Variants in C8orf34 observed in about 807,000 individuals in gnomAD.
C8orf34 encodes the protein uncharacterized protein C8orf34.
C8orf34 carries 65 observed loss-of-function variants against 68.3 expected under a neutral mutation model. The observed-to-expected ratio is 0.95, with a 90% CI of 0.78 to 1.17. The LOEUF is 1.17. Ranked by LOEUF, C8orf34 falls within the 50% of genes most tolerant of loss-of-function variation. The pLI, the probability that C8orf34 is intolerant of heterozygous loss-of-function variation, is 0.00. For missense variants in C8orf34, 664 were observed against 655.4 expected, an observed-to-expected ratio of 1.01 and a Z score of -0.14; for synonymous variants, 244 against 241.2, an observed-to-expected ratio of 1.01 and a Z score of -0.11.
intron 8 of C8orf34, among the ~76,000 whole-genome samples, chr8:68,647,600 A>C (rs10504430): frequency 0.15 from 22,597 of 152,198 alleles, 1,815 homozygotes; most frequent in Middle Eastern, 0.25. Flanking sequence ...CACTGGAGGA[A>C]CTTCTACTTT....
chr8:68,391,282 C>G (rs371509016), intron 1 of C8orf34, among the ~76,000 whole-genome samples: 1 of 152,104 alleles, frequency 6.6e-6, no homozygotes, highest in African/African-American at 2.4e-5. Flanking sequence ...GTAACTTACA[C>G]AAGCCCAAGA....
At chr8:68,332,271 C>G (rs1487006729) in intron 1 of C8orf34, among the ~76,000 whole-genome samples, 1 of 152,102 alleles carries the variant, frequency 6.6e-6, no homozygotes, top group Non-Finnish European at 1.5e-5. Flanking sequence ...AGTGGAGGCC[C>G]TTGCGGAGGG....
chr8:68,744,524 C>T (rs1448389315), intron 10 of C8orf34, among the ~76,000 whole-genome samples: 1 of 148,502 alleles, frequency 6.7e-6, no homozygotes, highest in Admixed American at 6.7e-5. Context: ...ATAACCAATA[C>T]AGAGAAGTGC....
intron 8 of C8orf34, among the ~76,000 whole-genome samples, chr8:68,684,854 C>T (rs925497435): frequency 6.6e-6 from 1 of 151,426 alleles, no homozygotes; most frequent in African/African-American, 2.4e-5. Flanking sequence ...ACTCCGTCAC[C>T]CAGGCTGGAG....
Position 68,608,264 on chromosome 8 carries a change from C to T in C8orf34, c.1106-32112C>T, listed in dbSNP as rs142296227. Among the ~76,000 whole-genome samples the T allele has an allele frequency of 4.1e-3, 625 of 152,106 alleles. 5 individuals carry two copies. Among genetic ancestry groups the T allele is most frequent in the Non-Finnish European group, 7.5e-3 (511 of 67,976 alleles). On this transcript the variant is annotated intron_variant, in intron 7 of 13. Transcript: ENST00000518698. ...CATTGAGAAAATTAGCCAAACCACT[C>T]TAGAGCTATGTAGAGATGAAGGCTG...
intron 8 of C8orf34, among the ~76,000 whole-genome samples, chr8:68,669,758 A>C (rs1819950165): frequency 6.6e-6 from 1 of 152,158 alleles, no homozygotes; most frequent in Non-Finnish European, 1.5e-5. Context: ...ATGTCAATGG[A>C]GTTTTTCAGA....
chr8:68,675,272 T>C (rs963464734), intron 8 of C8orf34, among the ~76,000 whole-genome samples: 3 of 151,982 alleles, frequency 2.0e-5, no homozygotes, highest in Admixed American at 1.3e-4. Flanking sequence ...ACACATAATA[T>C]TATAATACTG....
At chr8:68,488,924 G>A (rs1260887469) in intron 5 of C8orf34, among the ~76,000 whole-genome samples, 4 of 151,844 alleles carry the variant, frequency 2.6e-5, no homozygotes, top group Admixed American at 1.3e-4. Flanking sequence ...TTAGATTCTT[G>A]TGTTGATAAT....
chr8:68,551,940 G>A (rs1311018082), intron 7 of C8orf34, among the ~76,000 whole-genome samples: 1 of 151,948 alleles, frequency 6.6e-6, no homozygotes, highest in Non-Finnish European at 1.5e-5. Context: ...TTTTGCATGT[G>A]GATATTCAGG....
At chr8:68,471,937 CA>C (rs1265760178) in intron 4 of C8orf34, among the ~76,000 whole-genome samples, 1 of 150,652 alleles carries the variant, frequency 6.6e-6, no homozygotes, top group Admixed American at 6.6e-5. Context: ...CACACACACA[CA>C]CACACACACA....
intron 12 of C8orf34, among the ~76,000 whole-genome samples, chr8:68,808,491 A>G (rs1824549405): frequency 6.6e-6 from 1 of 151,848 alleles, no homozygotes. Flanking sequence ...CGTCAATGCA[A>G]TCAGCCTGCT....
chr8:68,448,412 G>C (rs1482554453), intron 3 of C8orf34, among the ~76,000 whole-genome samples: 1 of 152,070 alleles, frequency 6.6e-6, no homozygotes, highest in Non-Finnish European at 1.5e-5. Context: ...CAGATTTAGG[G>C]TTATTCTTTG....
At chr8:68,332,281 G>C (rs1805647494) in intron 1 of C8orf34, among the ~76,000 whole-genome samples, 1 of 151,734 alleles carries the variant, frequency 6.6e-6, no homozygotes, top group Non-Finnish European at 1.5e-5. Flanking sequence ...CTTGCGGAGG[G>C]ACTCCCTTGG....
intron 12 of C8orf34, among the ~76,000 whole-genome samples, chr8:68,797,206 G>A (rs904158707): frequency 6.6e-6 from 1 of 152,202 alleles, no homozygotes; most frequent in South Asian, 2.1e-4. Flanking sequence ...ATTTTTGGAA[G>A]AAGAAGTGCT....
At chr8:68,545,615 C>A (rs1330461805) in intron 7 of C8orf34, among the ~76,000 whole-genome samples, 1 of 151,996 alleles carries the variant, frequency 6.6e-6, no homozygotes, top group Non-Finnish European at 1.5e-5. Context: ...AAAATGCCTT[C>A]CAAAATTTTA....
chr8:68,553,449 A>G (rs1204040149), intron 7 of C8orf34, among the ~76,000 whole-genome samples: 2 of 151,538 alleles, frequency 1.3e-5, no homozygotes, highest in Non-Finnish European at 2.9e-5. Context: ...TTTATGAAAC[A>G]CCAGTACAAA....
In C8orf34 at chr8:68,745,791, C is replaced by T. The variant is rs1186702307; in HGVS notation, c.1404+24354C>T. Among the ~76,000 whole-genome samples, 21 of 152,216 alleles carry T rather than the reference C, an allele frequency of 1.4e-4. 1 individual carries two copies. The highest frequency in any genetic ancestry group is 4.8e-4 in the African/African-American group (20 of 41,512). ...ACTCCCACACATTAATAATGGGAGA[C>T]TTTAACACCCCACTATCAACATTAG... On this transcript the variant is annotated intron_variant, in intron 10 of 13. Transcript: ENST00000518698.
At chr8:68,368,587 A>G (rs1585999775) in intron 1 of C8orf34, among the ~76,000 whole-genome samples, 1 of 152,136 alleles carries the variant, frequency 6.6e-6, no homozygotes, top group African/African-American at 2.4e-5. Context: ...TCATTGCAAT[A>G]TTAGCTTTTT....
At chr8:68,632,410 T>C (rs1818716602) in intron 7 of C8orf34, among the ~76,000 whole-genome samples, 1 of 151,864 alleles carries the variant, frequency 6.6e-6, no homozygotes, top group African/African-American at 2.4e-5. Flanking sequence ...AAAGAAAAAA[T>C]CAGAAATTGG....
Sources: allele counts gnomAD v4.1 joint callset (sites outside exome capture counted in the v4.1 genomes callset), GRCh38; gene constraint gnomAD v4.1.1; transcripts MANE v1.5; gene names NCBI Gene and HGNC (gene_info 2026-07-23, HGNC 2026-07-21).